The following MTHFD1L variants were observed in gnomAD, a reference collection of about 807,000 sequenced individuals.
MTHFD1L encodes the protein monofunctional C1-tetrahydrofolate synthase, mitochondrial.
A neutral mutation model predicts 119.5 loss-of-function variants in MTHFD1L; 81 were observed. The ratio of observed to expected loss-of-function variants is 0.68; its 90% CI spans 0.57 to 0.82. The LOEUF (loss-of-function observed/expected upper bound fraction) is 0.82. Ranked by LOEUF, MTHFD1L falls within the 40% of genes least tolerant of loss-of-function variation. MTHFD1L has a pLI of 0.00. For synonymous variants in MTHFD1L, 430 were observed against 475.2 expected (o/e 0.90, Z 1.24); for missense variants, 1,125 against 1,253.4 (o/e 0.90, Z 1.55).
intron 20 of MTHFD1L, among the ~76,000 whole-genome samples, chr6:151,008,386 AG>A (rs1178338940): frequency 6.6e-6 from 1 of 152,204 alleles, no homozygotes; most frequent in African/African-American, 2.4e-5. Context: ...GTATTAACTC[AG>A]TAGTATTCCC....
At chr6:150,897,334 T>C (rs1784400257) in intron 7 of MTHFD1L, among the ~76,000 whole-genome samples, 1 of 152,196 alleles carries the variant, frequency 6.6e-6, no homozygotes, top group Non-Finnish European at 1.5e-5. Flanking sequence ...AGGCAAAATA[T>C]TCTAATTTCA....
At chr6:150,952,119 A>T (rs922479103) in intron 16 of MTHFD1L, among the ~76,000 whole-genome samples, 2 of 152,172 alleles carry the variant, frequency 1.3e-5, no homozygotes, top group African/African-American at 4.8e-5. Context: ...GTTGTGAATC[A>T]CTTTTAATGG....
intron 7 of MTHFD1L, among the ~76,000 whole-genome samples, chr6:150,896,495 C>T (rs1784243445): frequency 6.6e-6 from 1 of 152,160 alleles, no homozygotes; most frequent in Non-Finnish European, 1.5e-5. Context: ...AGCACTGGAC[C>T]CTCCTGGGCA....
chr6:150,882,653 A>G (rs1781561817), intron 4 of MTHFD1L, 109 bp from the exon 5 acceptor site: 9 of 809,592 alleles, frequency 1.1e-5, no homozygotes, highest in Non-Finnish European at 1.6e-5. Flanking sequence ...AACAACAACA[A>G]ACTATAACAG....
At chr6:150,897,228 T>C (rs1784380917) in intron 7 of MTHFD1L, among the ~76,000 whole-genome samples, 1 of 152,210 alleles carries the variant, frequency 6.6e-6, no homozygotes, top group Admixed American at 6.5e-5. Context: ...ATTGTCGTTA[T>C]ATCAAATATG....
chr6:150,955,630 G>T (rs1795525935), intron 16 of MTHFD1L, among the ~76,000 whole-genome samples: 1 of 151,660 alleles, frequency 6.6e-6, no homozygotes, highest in Admixed American at 6.6e-5. Context: ...CTCCTGAGTA[G>T]CTGGGACTAC....
rs1562348409 is a variant in MTHFD1L, at chr6:150,903,203, A to ATTCTTTTTTTTTTTTT, written c.781-2445_781-2444insCTTTTTTTTTTTTTTT. 1.3e-4 allele frequency among the ~76,000 whole-genome samples: 11 copies of ATTCTTTTTTTTTTTTT among 85,476 alleles called. 1 individual carries two copies. Among genetic ancestry groups the ATTCTTTTTTTTTTTTT allele is most frequent in the African/African-American group, 5.0e-4 (10 of 19,992 alleles). The allele number at this position is 85,476 out of a possible 152,430, so 56.1% of individuals were successfully genotyped here. On this transcript the variant is annotated intron_variant, in intron 7 of 27. Transcript: ENST00000367321. ...GATTGCTGGTGATATTGGCTGCAAA[A>ATTCTTTTTTTTTTTTT]TTTTTTTTTTTTTTTTTTTTTTTTT...
At chr6:150,970,482 T>G (rs1050582758) in intron 19 of MTHFD1L, among the ~76,000 whole-genome samples, 9 of 152,260 alleles carry the variant, frequency 5.9e-5, no homozygotes, top group Non-Finnish European at 1.3e-4. Context: ...TTCAGTCATT[T>G]TAGCCACATT....
At position 151,039,481 on chromosome 6, in the gene MTHFD1L, T is replaced by C. The variant is rs1444670489; in HGVS notation, c.2847+2364T>C. On this transcript the variant is annotated intron_variant, in intron 26 of 27. Coordinates refer to ENST00000367321, the MANE Select transcript of MTHFD1L (RefSeq NM_015440.5). This position sits in a 1 kb window ranked among gnomAD's most constrained non-coding sequence, Gnocchi z 4.4. ...GTTGCCCAGGCTGGACTCAAACTCC[T>C]GGGCTCAAGCAATCCTCCCACCTCA... 6.6e-6 allele frequency among the ~76,000 whole-genome samples: 1 copy of C among 152,072 alleles called. No homozygotes were observed. Among genetic ancestry groups the C allele is most frequent in the Non-Finnish European group, 1.5e-5 (1 of 67,942 alleles).
intron 4 of MTHFD1L, among the ~76,000 whole-genome samples, chr6:150,879,624 GTTTTTTTT>G (rs551381943): frequency 2.8e-5 from 3 of 107,898 alleles, no homozygotes; most frequent in Non-Finnish European, 5.5e-5. Context: ...TGCCACTGGT[GTTTTTTTT>G]TTTTTTTTTT....
intron 20 of MTHFD1L, among the ~76,000 whole-genome samples, chr6:150,998,225 G>T (rs538656781): frequency 2.7e-4 from 41 of 152,108 alleles, no homozygotes; most frequent in Non-Finnish European, 5.1e-4. Context: ...ACTCTATCTT[G>T]GTTCAAAAGT....
At chr6:150,975,431 T>G (rs1217148314) in intron 20 of MTHFD1L, among the ~76,000 whole-genome samples, 1 of 152,198 alleles carries the variant, frequency 6.6e-6, no homozygotes, top group African/African-American at 2.4e-5. Context: ...ACTGTGGGGC[T>G]CGTTCATTCC....
At chr6:151,014,770 T>C in intron 22 of MTHFD1L, 110 bp from the exon 23 acceptor site, 1 of 703,018 alleles carries the variant, frequency 1.4e-6, no homozygotes, top group Admixed American at 2.9e-5. Flanking sequence ...GAGGAAAAAG[T>C]GAAAAAAGAT....
At chr6:150,925,256 C>T (rs905163248) in intron 10 of MTHFD1L, among the ~76,000 whole-genome samples, 1 of 152,154 alleles carries the variant, frequency 6.6e-6, no homozygotes, top group Non-Finnish European at 1.5e-5. Context: ...TCCCCCGCCG[C>T]GTGGTCTCCC....
intron 18 of MTHFD1L, among the ~76,000 whole-genome samples, chr6:150,961,366 T>A (rs6902084): frequency 0.011 from 1,682 of 152,300 alleles, 30 homozygotes; most frequent in African/African-American, 0.039. Flanking sequence ...AATGCTGGGA[T>A]TACAGGCATG....
In MTHFD1L at chr6:150,936,879, G is replaced by A. The variant is rs548755361; in HGVS notation, c.1332G>A (p.Leu444=). The A allele has an allele frequency of 1.9e-6, 3 of 1,614,162 alleles. No homozygotes were observed. Among genetic ancestry groups the A allele is most frequent in the Admixed American group, 1.7e-5 (1 of 60,022 alleles). The change falls in exon 12 of 28, where the codon CTG becomes CTA. Residue 444 remains leucine, a synonymous_variant. Transcript: ENST00000367321. Reference sequence around the variant, plus strand: ...TTGTGCAGGCTCTGACCGCACACCTGAATGTCAACTCCTTTGCCTGCTTGA... The same window carrying A: ...TTGTGCAGGCTCTGACCGCACACCTAAATGTCAACTCCTTTGCCTGCTTGA... ...IGLVQALTAH[L]NVNSFACLRQ...
intron 16 of MTHFD1L, among the ~76,000 whole-genome samples, chr6:150,954,611 C>T (rs946064683): frequency 6.6e-6 from 1 of 151,960 alleles, no homozygotes; most frequent in Admixed American, 6.6e-5. Context: ...ATCGCTTGAT[C>T]CCAGGAGGCG....
chr6:151,050,266 G>T (rs1466923926), intron 26 of MTHFD1L, among the ~76,000 whole-genome samples: 1 of 152,132 alleles, frequency 6.6e-6, no homozygotes, highest in Admixed American at 6.5e-5. Flanking sequence ...GGGTTCAAGC[G>T]ACTCTCCCAC....
chr6:150,870,600 G>A (rs1441703559), intron 1 of MTHFD1L, among the ~76,000 whole-genome samples: 1 of 152,010 alleles, frequency 6.6e-6, no homozygotes, highest in African/African-American at 2.4e-5. Context: ...GTATGCACTA[G>A]CGTTTTGTCT....
Sources: gnomAD v4.1 joint callset for allele counts (sites outside exome capture counted in the v4.1 genomes callset) on GRCh38, gnomAD v4.1.1 for gene constraint, Gnocchi (gnomAD v3.1) non-coding constraint, MANE v1.5 for transcripts, NCBI Gene and HGNC (gene_info 2026-07-23, HGNC 2026-07-21) for gene names.